Variants in XPR1 observed in about 807,000 individuals in gnomAD.
XPR1 encodes xenotropic and polytropic retrovirus receptor 1.
In XPR1, 28 loss-of-function variants were observed where a neutral mutation model predicts 87.5. The observed-to-expected ratio is 0.32, with a 90% CI of 0.24 to 0.44. XPR1 has a LOEUF of 0.44. Among genes scored for constraint, XPR1 ranks in the 20% least tolerant of loss-of-function variants. XPR1 has a pLI of 1.00. For synonymous variants in XPR1, 300 were observed against 306.1 expected (o/e 0.98, Z 0.21); for missense variants, 559 against 862.3 (o/e 0.65, Z 4.41).
chr1:180,811,395 T>C lies in XPR1; in HGVS notation c.682-12T>C, dbSNP rs531200576. On this transcript the variant is annotated splice_polypyrimidine_tract_variant and intron_variant, in intron 6 of 14. Transcript: ENST00000367590. ...TTTGTCCTGTACTCAAATACTATTT[T>C]TCTGTCCACAGCCTGCACCAGCATG... The C allele has an allele frequency of 1.2e-6, 2 of 1,610,942 alleles. No individual in the cohort carries two copies. The highest frequency in any genetic ancestry group is 2.7e-5 in the African/African-American group (2 of 74,968).
chr1:180,865,562 G>A (rs891265829), intron 12 of XPR1, among the ~76,000 whole-genome samples: 28 of 152,108 alleles, frequency 1.8e-4, no homozygotes, highest in African/African-American at 6.5e-4. Context: ...CACCACGTCC[G>A]GTTAATTTTT....
intron 2 of XPR1, among the ~76,000 whole-genome samples, chr1:180,741,278 C>CT (rs1557984121): frequency 6.6e-6 from 1 of 152,162 alleles, no homozygotes; most frequent in African/African-American, 2.4e-5. Context: ...ATTCTCCTAC[C>CT]TTATTCTCCC....
At chr1:180,709,479 C>G (rs921913929) in intron 2 of XPR1, among the ~76,000 whole-genome samples, 2 of 150,810 alleles carry the variant, frequency 1.3e-5, no homozygotes, top group African/African-American at 5.0e-5. Context: ...CCTTCTCAGT[C>G]AAACACTGAT....
chr1:180,656,386 T>TATATATA, intron 1 of XPR1, among the ~76,000 whole-genome samples: 1 of 98,004 alleles, frequency 1.0e-5, no homozygotes, highest in African/African-American at 4.0e-5. Context: ...ATAATATTCA[T>TATATATA]GTATTTATAT....
chr1:180,747,169 T>C (rs1438770299), intron 2 of XPR1, among the ~76,000 whole-genome samples: 3 of 152,218 alleles, frequency 2.0e-5, no homozygotes, highest in Admixed American at 1.3e-4. Flanking sequence ...CTAAGTGTTA[T>C]TCAGTTTCAT....
intron 2 of XPR1, among the ~76,000 whole-genome samples, chr1:180,709,800 C>T (rs970365496): frequency 5.3e-5 from 8 of 151,240 alleles, no homozygotes; most frequent in East Asian, 1.9e-4. Flanking sequence ...ATTTATTTGC[C>T]GTTGGTATAT....
intron 3 of XPR1, among the ~76,000 whole-genome samples, chr1:180,788,123 A>G (rs1305093395): frequency 6.6e-6 from 1 of 152,180 alleles, no homozygotes; most frequent in Non-Finnish European, 1.5e-5. Flanking sequence ...ACTGTGGCCC[A>G]GTTCAAAGCT....
intron 1 of XPR1, among the ~76,000 whole-genome samples, chr1:180,681,317 C>G (rs1656571491): frequency 6.6e-6 from 1 of 152,090 alleles, no homozygotes; most frequent in African/African-American, 2.4e-5. Context: ...ACTGTGTACC[C>G]CAGGCATATG....
intron 2 of XPR1, among the ~76,000 whole-genome samples, chr1:180,705,633 A>G (rs1454057908): frequency 6.6e-6 from 1 of 152,206 alleles, no homozygotes; most frequent in Non-Finnish European, 1.5e-5. Context: ...TGTAAGATTT[A>G]TTATTTTCAC....
intron 1 of XPR1, among the ~76,000 whole-genome samples, chr1:180,664,122 T>G (rs1038510124): frequency 9.2e-5 from 14 of 152,196 alleles, no homozygotes; most frequent in African/African-American, 2.9e-4. Context: ...TGCTTAGTGC[T>G]CTTTCCTACT....
intron 1 of XPR1, among the ~76,000 whole-genome samples, chr1:180,639,466 G>C (rs1163995684): frequency 2.6e-5 from 4 of 152,126 alleles, no homozygotes; most frequent in Non-Finnish European, 2.9e-5. Flanking sequence ...GTATTAGAAA[G>C]ACCTTGGACC....
chr1:180,739,748 AT>A (rs200196444), intron 2 of XPR1, among the ~76,000 whole-genome samples: 1 of 151,426 alleles, frequency 6.6e-6, no homozygotes, highest in Non-Finnish European at 1.5e-5. Context: ...ATTATGATTG[AT>A]TTTTTTTTCC....
At chr1:180,856,138 T>C (rs1299148922) in intron 11 of XPR1, among the ~76,000 whole-genome samples, 2 of 152,192 alleles carry the variant, frequency 1.3e-5, no homozygotes, top group Admixed American at 1.3e-4. Context: ...TCTATTCTTA[T>C]TCTTACTGTC....
At chr1:180,868,700 TAAG>T (rs1203074091) in intron 12 of XPR1, among the ~76,000 whole-genome samples, 10 of 105,302 alleles carry the variant, frequency 9.5e-5, no homozygotes, top group Admixed American at 9.1e-4. Flanking sequence ...CTTATCAGCT[TAAG>T]GAGATTTTGG....
intron 1 of XPR1, among the ~76,000 whole-genome samples, chr1:180,653,427 A>G (rs749792994): frequency 1.3e-5 from 2 of 152,194 alleles, no homozygotes; most frequent in Admixed American, 6.5e-5. Flanking sequence ...AGAAAGTAAG[A>G]TGGCACTTCA....
At chr1:180,760,410 G>A (rs933609696) in intron 2 of XPR1, among the ~76,000 whole-genome samples, 2 of 152,186 alleles carry the variant, frequency 1.3e-5, no homozygotes, top group Admixed American at 6.5e-5. Context: ...AGCAACTTCA[G>A]CAAAGTCTCA....
At chr1:180,787,150 C>T (rs1170652821) in intron 2 of XPR1, among the ~76,000 whole-genome samples, 1 of 151,974 alleles carries the variant, frequency 6.6e-6, no homozygotes, top group Admixed American at 6.6e-5. Context: ...TCAATTCTGT[C>T]TACAGTTTTT....
intron 2 of XPR1, among the ~76,000 whole-genome samples, chr1:180,760,341 A>G (rs1346666806): frequency 6.6e-6 from 1 of 152,218 alleles, no homozygotes; most frequent in Non-Finnish European, 1.5e-5. Context: ...TTTGCAGATG[A>G]CATGATTGTA....
At chr1:180,849,567 A>G (rs1277161094) in intron 11 of XPR1, among the ~76,000 whole-genome samples, 1 of 152,240 alleles carries the variant, frequency 6.6e-6, no homozygotes, top group Non-Finnish European at 1.5e-5. Flanking sequence ...TGCAAACAAC[A>G]GATGTTGTAA....
Sources: allele counts gnomAD v4.1 joint callset (sites outside exome capture counted in the v4.1 genomes callset), GRCh38; gene constraint gnomAD v4.1.1; transcripts MANE v1.5; gene names NCBI Gene and HGNC (gene_info 2026-07-23, HGNC 2026-07-21).